PIGN: variants seen among roughly 807,000 people sequenced by gnomAD.
PIGN encodes phosphatidylinositol glycan anchor biosynthesis class N, also known as GPI ethanolamine phosphate transferase 1.
Under a neutral mutation model 125.4 loss-of-function variants are expected in PIGN, and 117 were observed. The ratio of observed to expected loss-of-function variants is 0.93; its 90% confidence interval spans 0.80 to 1.09. PIGN has a LOEUF of 1.09. PIGN is among the 50% of genes least tolerant of loss of function. The pLI, the probability that PIGN is intolerant of heterozygous loss-of-function variation, is 0.00. For synonymous variants in PIGN, 392 were observed against 377.8 expected (o/e 1.04, Z -0.44); for missense variants, 1,075 against 1,094.9 (o/e 0.98, Z 0.26).
chr18:62,032,828 T>C (rs1345347706), intron 23 of PIGN, among the ~76,000 whole-genome samples: 2 of 152,224 alleles, frequency 1.3e-5, no homozygotes, highest in African/African-American at 4.8e-5. Context: ...TAAAACAGCG[T>C]CTGGCACATT....
intron 28 of PIGN, among the ~76,000 whole-genome samples, chr18:62,081,676 A>T (rs886245075): frequency 1.3e-5 from 2 of 152,118 alleles, no homozygotes; most frequent in African/African-American, 4.8e-5. Context: ...ATCCCTTCTA[A>T]AAATCTTATC....
At chr18:62,089,293 C>A (rs2033853918) in intron 24 of PIGN, among the ~76,000 whole-genome samples, 1 of 152,032 alleles carries the variant, frequency 6.6e-6, no homozygotes, top group Admixed American at 6.6e-5. Flanking sequence ...GAGAAATTTT[C>A]TTTCTATAAA....
At chr18:62,180,034 T>G (rs1025460005) in intron 1 of PIGN, among the ~76,000 whole-genome samples, 3 of 152,220 alleles carry the variant, frequency 2.0e-5, no homozygotes, top group Non-Finnish European at 4.4e-5. Flanking sequence ...GCAGTTGTCA[T>G]GATTACAAAT....
In PIGN at chr18:62,088,818, T is replaced by C; in HGVS notation, c.2308A>G (p.Asn770Asp). The C allele has an allele frequency of 1.3e-6, 2 of 1,552,530 alleles. No homozygotes were observed. The highest frequency in any genetic ancestry group is 1.8e-6 in the Non-Finnish European group (2 of 1,142,842). Residue 770 changes from asparagine (N) to aspartate (D), a missense_variant, in exon 25 of 31, where the codon AAT (asparagine) becomes GAT (aspartate). Asn to Asp is a conservative substitution (Grantham distance 23, BLOSUM62 1). This residue lies in a region of PIGN where 915 missense variants were observed against 908.7 expected (regional missense o/e 1.01). Transcript: ENST00000640252. ...QKLTSIQFSY[N>D]TDITQFRQLY... ...TGTCGAAACTGAGTTATATCAGTAT[T>C]ATAAGAGAACTGGATACTGGTGAGC...
rs192373916 is a variant in PIGN, at chr18:62,020,678, G to A, written c.2143-2937C>T. 2.5e-4 allele frequency among the ~76,000 whole-genome samples: 38 copies of A among 151,992 alleles called. 1 individual carries two copies. The highest frequency in any genetic ancestry group is 3.4e-3 in the Middle Eastern group (1 of 294). ...AAATTTTTAAAGACTGGCCGGGCGC[G>A]GTGGCTCATGCCTGTAATCCCAGCA... On this transcript the variant is annotated intron_variant, in intron 23 of 24. Coordinates refer to the PIGN transcript ENST00000639600.
intron 30 of PIGN, among the ~76,000 whole-genome samples, chr18:62,069,205 C>A (rs780594351): frequency 6.6e-6 from 1 of 152,048 alleles, no homozygotes; most frequent in African/African-American, 2.4e-5. Context: ...AAAAAACACG[C>A]CAGGTAAAGA....
rs143884995 is a variant in PIGN, at chr18:62,072,776, T to A, written c.2620-51A>T. The A allele has an allele frequency of 3.6e-6, 5 of 1,403,898 alleles. No homozygotes were observed. The East Asian group carries it at 1.2e-4, about 34-fold the overall frequency. 87.0% of individuals were successfully genotyped at this position (1,403,898 alleles called of 1,614,324 possible). On this transcript the variant is annotated intron_variant, in intron 29 of 30. Coordinates refer to ENST00000640252, the MANE Select transcript of PIGN (RefSeq NM_176787.5). ...GAAAAACAAAGCTATTTAGATTCAG[T>A]CTAAAAACAAAGCTATTTTAGGACT...
intron 1 of PIGN, among the ~76,000 whole-genome samples, chr18:62,172,570 T>C (rs1036784926): frequency 6.6e-6 from 1 of 152,026 alleles, no homozygotes; most frequent in Non-Finnish European, 1.5e-5. Context: ...TATTTGTAAA[T>C]GCAAATGTGC....
intron 7 of PIGN, among the ~76,000 whole-genome samples, chr18:62,148,811 C>T (rs1485580321): frequency 6.6e-6 from 1 of 152,084 alleles, no homozygotes; most frequent in Non-Finnish European, 1.5e-5. Flanking sequence ...CAAATAGCCT[C>T]CTAATTACTT....
Position 62,095,898 on chromosome 18 carries a change from C to A in PIGN, c.2130G>T (p.Leu710Phe). ...ACATCAATGAAAGAAGTATGCTGAA[C>A]AATCGCTGAAAGAGAACTGGAGAAC... ...LLSSPVLFQR[L>F]FSILLSLMST... The change falls in exon 23 of 31, where the codon TTG (leucine) becomes TTT (phenylalanine). Residue 710 changes from leucine to phenylalanine, a missense_variant. Physicochemically the swap from Leu to Phe is conservative, Grantham distance 22 (BLOSUM62 0). This residue lies in a region of PIGN where 915 missense variants were observed against 908.7 expected (regional missense o/e 1.01). Coordinates refer to ENST00000640252, the MANE Select transcript of PIGN (RefSeq NM_176787.5). 6.2e-7 allele frequency: 1 copy of A among 1,613,336 alleles called. No homozygotes were observed. The highest frequency in any genetic ancestry group is 8.5e-7 in the Non-Finnish European group (1 of 1,179,472).
chr18:62,044,481 A>C lies in PIGN; in HGVS notation c.*1375T>G, dbSNP rs892217783. On this transcript the variant is annotated 3_prime_UTR_variant, in exon 31 of 31. Coordinates refer to ENST00000640252, the MANE Select transcript of PIGN (RefSeq NM_176787.5). ...ATTTTATGCTATGAACTGATGCATG[A>C]GATTTCATAAAACATTAATACCTCT... 1 of 152,224 alleles carries C rather than the reference A, an allele frequency of 6.6e-6. No individual in the cohort carries two copies. Among genetic ancestry groups the C allele is most frequent in the Non-Finnish European group, 1.5e-5 (1 of 68,048 alleles). 9.4% of individuals were successfully genotyped at this position (152,224 alleles called of 1,614,324 possible). A position where few individuals can be genotyped will look rare whatever the true frequency, so the allele number is the denominator to read the frequency against.
chr18:62,077,988 T>C (rs2033259544), intron 28 of PIGN, among the ~76,000 whole-genome samples: 1 of 152,188 alleles, frequency 6.6e-6, no homozygotes, highest in South Asian at 2.1e-4. Context: ...TCTTTTCCTC[T>C]TATAAGGACA....
chr18:62,112,348 C>A (rs181762147), intron 16 of PIGN, among the ~76,000 whole-genome samples: 260 of 152,146 alleles, frequency 1.7e-3, no homozygotes, highest in Non-Finnish European at 3.1e-3. Flanking sequence ...TAAAAATACA[C>A]CACCAGGATA....
chr18:62,036,390 C>T (rs902379618), downstream of PIGN, among the ~76,000 whole-genome samples: 1 of 151,956 alleles, frequency 6.6e-6, no homozygotes, highest in Admixed American at 6.6e-5. Flanking sequence ...TAGGTGTATG[C>T]CACCCTGCCT....
rs1228266361 is a variant in PIGN, at chr18:62,093,154, C to G, written c.2181-2576G>C. On this transcript the variant is annotated intron_variant, in intron 23 of 30. Coordinates refer to ENST00000640252, the MANE Select transcript of PIGN (RefSeq NM_176787.5). ...CATACTCTGAACAAAAGGCAACCGT[C>G]ATTTTTTTAAAGATTTGAAGTTATA... Among the ~76,000 whole-genome samples, 4 of 152,132 alleles carry G rather than the reference C, an allele frequency of 2.6e-5. No homozygotes were observed. The East Asian group carries it at 5.8e-4, about 22-fold the overall frequency.
At chr18:62,038,111 G>C (rs9945494), downstream of PIGN, among the ~76,000 whole-genome samples, 2 of 151,974 alleles carry the variant, frequency 1.3e-5, no homozygotes, top group Non-Finnish European at 2.9e-5. Context: ...ACATTTTGTA[G>C]TATTAGGCAT....
intron 4 of PIGN, among the ~76,000 whole-genome samples, chr18:62,159,105 G>A (rs188812471): frequency 1.7e-4 from 26 of 152,268 alleles, no homozygotes; most frequent in Admixed American, 5.9e-4. Flanking sequence ...TTAGCCGGGC[G>A]TGGTGGCACG....
chr18:62,150,345 T>C (rs957648446), intron 7 of PIGN, among the ~76,000 whole-genome samples: 1 of 152,104 alleles, frequency 6.6e-6, no homozygotes, highest in South Asian at 2.1e-4. Context: ...AAGACGTATA[T>C]TGAAGGGGAA....
chr18:62,132,795 G>C (rs2035788503), intron 14 of PIGN, among the ~76,000 whole-genome samples: 1 of 152,062 alleles, frequency 6.6e-6, no homozygotes, highest in African/African-American at 2.4e-5. Flanking sequence ...TAAATATTCA[G>C]TTCTTTAATC....
Sources: gnomAD v4.1 joint callset for allele counts (sites outside exome capture counted in the v4.1 genomes callset) on GRCh38, gnomAD v4.1.1 for gene constraint, gnomAD v4.1.1 regional missense constraint, MANE v1.5 for transcripts, NCBI Gene and HGNC (gene_info 2026-07-23, HGNC 2026-07-21) for gene names.